TXLNB: variants seen among roughly 807,000 people sequenced by gnomAD.
TXLNB encodes the protein beta-taxilin.
In TXLNB, 37 loss-of-function variants were observed where a neutral mutation model predicts 57.4. The observed-to-expected ratio is 0.64, with a 90% CI of 0.50 to 0.85. The LOEUF is 0.85. TXLNB is among the 40% of genes least tolerant of loss of function. The probability of loss-of-function intolerance (pLI) is 0.00; values close to 1 mark genes in which losing one functional copy is unlikely to be tolerated. For synonymous variants in TXLNB, 302 were observed against 309.6 expected, an observed-to-expected ratio of 0.98 and a Z score of 0.26; for missense variants, 848 against 825.6, an observed-to-expected ratio of 1.03 and a Z score of -0.33.
chr6:139,280,268 A>AG (rs1270537928), intron 2 of TXLNB, among the ~76,000 whole-genome samples: 5 of 151,126 alleles, frequency 3.3e-5, no homozygotes, highest in African/African-American at 1.2e-4. Flanking sequence ...AAAAAAAAAA[A>AG]AAAAAAAGAA....
At chr6:139,249,888 A>C (rs1776153698) in intron 7 of TXLNB, among the ~76,000 whole-genome samples, 1 of 152,224 alleles carries the variant, frequency 6.6e-6, no homozygotes, top group African/African-American at 2.4e-5. Flanking sequence ...TAAAGAAGAC[A>C]GAGTAAAGGG....
At chr6:139,321,679 T>C in the TXLNB span, among the ~76,000 whole-genome samples, 1 of 141,760 alleles carries the variant, frequency 7.1e-6, no homozygotes, top group Non-Finnish European at 1.5e-5. Context: ...TTGCCCAGGC[T>C]GGAGTGCAGT....
intron 2 of TXLNB, chr6:139,283,120 G>A (rs1777092251): frequency 6.9e-6 from 1 of 145,276 alleles, no homozygotes. Flanking sequence ...AGGGGAAAGT[G>A]ACTTTACCCA....
At chr6:139,184,761 A>C in the TXLNB span, among the ~76,000 whole-genome samples, 4 of 152,294 alleles carry the variant, frequency 2.6e-5, no homozygotes, top group South Asian at 8.3e-4. Context: ...AGGTGTGTTT[A>C]ATTTTCAATT....
chr6:139,166,456 C>T, the TXLNB span: 192 of 1,614,180 alleles, frequency 1.2e-4, no homozygotes, highest in East Asian at 2.3e-3. Flanking sequence ...TCAACTGCAT[C>T]GGCCGCGCGC....
At chr6:139,252,527 T>A (rs542549324) in intron 7 of TXLNB, among the ~76,000 whole-genome samples, 1 of 152,294 alleles carries the variant, frequency 6.6e-6, no homozygotes, top group East Asian at 1.9e-4. Context: ...GTTCTTGCAA[T>A]TAGTGAGGCT....
At chr6:139,186,457 C>T in the TXLNB span, among the ~76,000 whole-genome samples, 1 of 152,158 alleles carries the variant, frequency 6.6e-6, no homozygotes, top group African/African-American at 2.4e-5. Context: ...AATGAGGTAC[C>T]ACTTCACACC....
At chr6:139,296,014 C>G (rs1324335603), upstream of TXLNB, among the ~76,000 whole-genome samples, 1 of 151,774 alleles carries the variant, frequency 6.6e-6, no homozygotes, top group Non-Finnish European at 1.5e-5. Flanking sequence ...TCCCCACATA[C>G]AAACACTCTT....
the TXLNB span, among the ~76,000 whole-genome samples, chr6:139,168,063 C>T: frequency 6.6e-6 from 1 of 152,164 alleles, no homozygotes; most frequent in South Asian, 2.1e-4. Context: ...AATGATATAT[C>T]CCCACCTGTC....
chr6:139,238,726 A>T (rs1775864116), downstream of TXLNB, among the ~76,000 whole-genome samples: 2 of 152,208 alleles, frequency 1.3e-5, no homozygotes, highest in South Asian at 4.1e-4. Flanking sequence ...ACCTTGTGAA[A>T]ATTGAACCCT....
intron 9 of TXLNB, among the ~76,000 whole-genome samples, 187 bp downstream of exon 9, chr6:139,244,408 A>C (rs1562271050): frequency 6.6e-6 from 1 of 152,188 alleles, no homozygotes. Flanking sequence ...CTGAGTCTGG[A>C]CCTGATTCTA....
the TXLNB span, among the ~76,000 whole-genome samples, chr6:139,301,526 C>T: frequency 1.3e-5 from 2 of 152,138 alleles, no homozygotes; most frequent in African/African-American, 4.8e-5. Flanking sequence ...GCCAGGAAAT[C>T]TTCTATAGAT....
At chr6:139,263,731 T>TA (rs1464811471) in intron 4 of TXLNB, among the ~76,000 whole-genome samples, 7 of 152,162 alleles carry the variant, frequency 4.6e-5, no homozygotes, top group Non-Finnish European at 1.5e-5. Flanking sequence ...CTACCAAAGA[T>TA]AGAGACATTT....
At chr6:139,180,441 G>GTAAC in the TXLNB span, 3 of 152,650 alleles carry the variant, frequency 2.0e-5, no homozygotes, top group Non-Finnish European at 2.9e-5. Context: ...CAGCTGTTGA[G>GTAAC]TAACTTTCAT....
At chr6:139,200,804 A>G in the TXLNB span, among the ~76,000 whole-genome samples, 7,644 of 152,092 alleles carry the variant, frequency 0.05, 211 homozygotes, top group African/African-American at 0.063. Flanking sequence ...TCTTGTCAAT[A>G]TTTTTCTTGT....
chr6:139,280,247 T>C (rs1583024458), intron 2 of TXLNB, among the ~76,000 whole-genome samples: 2 of 89,386 alleles, frequency 2.2e-5, no homozygotes, highest in Admixed American at 1.7e-4. Context: ...CAAGACTCTC[T>C]CTCTAAAAAA....
In TXLNB at chr6:139,276,934, A is replaced by AT; in HGVS notation, c.425-14_425-13insA. The AT allele has an allele frequency of 7.0e-7, 1 of 1,430,860 alleles. No individual in the cohort carries two copies. The allele number at this position is 1,430,860 out of a possible 1,614,324, so 88.6% of individuals were successfully genotyped here. A position where few individuals can be genotyped will look rare whatever the true frequency, so the allele number is the denominator to read the frequency against. ...TTGGCTTCTTTGCCTTAAAAAAAAA[A>AT]GACATGAAAAAAATAAGTGTTGAAT... On this transcript the variant is annotated splice_polypyrimidine_tract_variant and intron_variant, in intron 2 of 9. Transcript: ENST00000358430.
intron 6 of TXLNB, among the ~76,000 whole-genome samples, chr6:139,257,749 T>C (rs1776380895): frequency 6.6e-6 from 1 of 152,232 alleles, no homozygotes; most frequent in African/African-American, 2.4e-5. Context: ...GAGGTCTATG[T>C]ATTATATAAT....
the TXLNB span, among the ~76,000 whole-genome samples, chr6:139,214,155 G>C: frequency 6.6e-6 from 1 of 152,132 alleles, no homozygotes; most frequent in East Asian, 1.9e-4. Context: ...TGATACCAAA[G>C]CCTGGCAGAG....
Sources: allele counts gnomAD v4.1 joint callset (sites outside exome capture counted in the v4.1 genomes callset), GRCh38; gene constraint gnomAD v4.1.1; transcripts MANE v1.5; gene names NCBI Gene and HGNC (gene_info 2026-07-23, HGNC 2026-07-21).